Variants in LNX1 observed in about 807,000 individuals in gnomAD.
The protein encoded by LNX1 is ligand of numb-protein X 1, also known as E3 ubiquitin-protein ligase LNX.
A neutral mutation model predicts 68.4 loss-of-function variants in LNX1; 54 were observed. That is an observed-to-expected ratio of 0.79 (90% CI 0.63 to 0.99). The LOEUF is 0.99. LNX1 is among the 50% of genes least tolerant of loss of function. LNX1 has a pLI of 0.00. For synonymous variants in LNX1, 336 were observed against 350.0 expected, an observed-to-expected ratio of 0.96 and a Z score of 0.45; for missense variants, 906 against 926.4, an observed-to-expected ratio of 0.98 and a Z score of 0.29.
chr4:53,588,369 A>C (rs979226457), intron 1 of LNX1, among the ~76,000 whole-genome samples: 20 of 152,240 alleles, frequency 1.3e-4, no homozygotes, highest in African/African-American at 4.8e-4. Flanking sequence ...ATTTCAACCC[A>C]TTTCATCTTC....
chr4:53,637,789 G>A (rs1284540241), intron 1 of LNX1, among the ~76,000 whole-genome samples: 1 of 152,104 alleles, frequency 6.6e-6, no homozygotes, highest in African/African-American at 2.4e-5. Flanking sequence ...ATGAAATATG[G>A]ACTTTCCCTT....
chr4:53,623,949 A>T (rs2572297), intron 1 of LNX1, among the ~76,000 whole-genome samples: 2 of 152,004 alleles, frequency 1.3e-5, no homozygotes, highest in African/African-American at 4.8e-5. Context: ...AACTTGCATC[A>T]AAAGATCTGT....
intron 6 of LNX1, among the ~76,000 whole-genome samples, chr4:53,487,328 T>G (rs937847214): frequency 2.6e-5 from 4 of 152,224 alleles, no homozygotes; most frequent in African/African-American, 7.2e-5. Context: ...AGGCTTCACC[T>G]GCTCATTGGC....
chr4:53,470,435 A>G (rs1015035364), intron 9 of LNX1, among the ~76,000 whole-genome samples: 54 of 152,188 alleles, frequency 3.5e-4, no homozygotes, highest in African/African-American at 1.3e-3. Context: ...GGCACAAGAC[A>G]GGGATGCCCT....
intron 1 of LNX1, among the ~76,000 whole-genome samples, chr4:53,587,204 A>G (rs1030901436): frequency 6.6e-6 from 1 of 152,224 alleles, no homozygotes; most frequent in East Asian, 1.9e-4. Flanking sequence ...TGGTGTCCTC[A>G]TGTCACACAG....
chr4:53,564,768 C>T (rs1368487410), intron 2 of LNX1, among the ~76,000 whole-genome samples: 4 of 152,050 alleles, frequency 2.6e-5, no homozygotes, highest in East Asian at 1.9e-4. Context: ...AGACAGTGGG[C>T]GCAGGTCAGT....
chr4:53,506,798 G>A lies in LNX1; in HGVS notation c.775+519C>T, dbSNP rs145095316. Among the ~76,000 whole-genome samples, 1,393 of 144,888 alleles carry A rather than the reference G, an allele frequency of 9.6e-3. 22 individuals are homozygous for A. Among genetic ancestry groups the A allele is most frequent in the African/African-American group, 0.034 (1,331 of 39,426 alleles). On this transcript the variant is annotated intron_variant, in intron 4 of 10. Transcript: ENST00000263925. ...TTGAACCCAGGAGGCAGAGGTTGCA[G>A]TGAGCCGAGATCATGCCGCCGTTGC...
intron 2 of LNX1, among the ~76,000 whole-genome samples, chr4:53,514,929 TA>T (rs1280758339): frequency 6.6e-6 from 1 of 152,216 alleles, no homozygotes; most frequent in Non-Finnish European, 1.5e-5. Context: ...ATTTTAATTT[TA>T]AAAAATATTT....
intron 2 of LNX1, among the ~76,000 whole-genome samples, chr4:53,562,271 A>C (rs1400127078): frequency 6.6e-6 from 1 of 152,192 alleles, no homozygotes; most frequent in Non-Finnish European, 1.5e-5. Flanking sequence ...CCCACTACAC[A>C]CTGGTAATGG....
At chr4:53,579,106 C>G (rs2109792907) in intron 1 of LNX1, 1 of 201,500 alleles carries the variant, frequency 5.0e-6, no homozygotes, top group East Asian at 1.9e-4. Context: ...GAGGGCCTGT[C>G]AGCTTTGTGT....
chr4:53,520,953 T>C (rs7664897), intron 2 of LNX1, among the ~76,000 whole-genome samples: 146,840 of 152,274 alleles, frequency 0.96, 71,034 homozygotes, highest in Middle Eastern at 1. Flanking sequence ...TGGTTCGAGA[T>C]TGTCTCAAAA....
rs375438710 is a variant in LNX1 at position 53,574,111 on chromosome 4, A to C, written c.-86-23T>G. ...CACCTAAAAAAGAACAAGAAGGCTC[A>C]CCTTTGCTTCCCAGCACATGAAAGG... On this transcript the variant is annotated intron_variant, in intron 1 of 10. Coordinates refer to ENST00000263925, the MANE Select transcript of LNX1 (RefSeq NM_001126328.3). The C allele has an allele frequency of 2.7e-4, 397 of 1,445,606 alleles. 1 individual carries two copies. In the South Asian group the frequency reaches 5.5e-3, roughly 20 times the overall value. The allele number at this position is 1,445,606 out of a possible 1,614,324, so 89.5% of individuals were successfully genotyped here.
At chr4:53,543,891 T>G (rs1054185138) in intron 2 of LNX1, among the ~76,000 whole-genome samples, 5 of 149,548 alleles carry the variant, frequency 3.3e-5, no homozygotes, top group Non-Finnish European at 7.4e-5. Context: ...AATGGGGGAT[T>G]AAAAAACAAA....
chr4:53,568,075 G>A lies in LNX1; in HGVS notation c.380+5548C>T, dbSNP rs557183244. ...CGAATTCTACCAGAGGTACAAGGAG[G>A]AACTGGTACCATTCCTTCTGAAACT... On this transcript the variant is annotated intron_variant, in intron 2 of 10. Transcript: ENST00000263925. Among the ~76,000 whole-genome samples, 1,225 of 152,182 alleles carry A rather than the reference G, an allele frequency of 8.0e-3. 6 individuals are homozygous for A. The highest frequency in any genetic ancestry group is 0.011 in the Non-Finnish European group (746 of 68,020).
chr4:53,553,382 T>A (rs1414849856), intron 2 of LNX1, among the ~76,000 whole-genome samples: 1 of 152,138 alleles, frequency 6.6e-6, no homozygotes, highest in Admixed American at 6.6e-5. Flanking sequence ...GGGCCCCCTC[T>A]CCCAAAGATT....
chr4:53,477,696 A>AT (rs765777821), intron 8 of LNX1, among the ~76,000 whole-genome samples: 4 of 152,106 alleles, frequency 2.6e-5, no homozygotes, highest in Admixed American at 6.5e-5. Context: ...TCCATTTTCT[A>AT]TTTTTTTATC....
At chr4:53,568,365 C>A (rs907097650) in intron 2 of LNX1, among the ~76,000 whole-genome samples, 1 of 151,674 alleles carries the variant, frequency 6.6e-6, no homozygotes, top group African/African-American at 2.4e-5. Context: ...TAAATGTAAT[C>A]CAGCATATAA....
At chr4:53,579,820 C>T (rs1560678672) in intron 1 of LNX1, among the ~76,000 whole-genome samples, 1 of 152,170 alleles carries the variant, frequency 6.6e-6, no homozygotes, top group Admixed American at 6.5e-5. Context: ...AAACCACATA[C>T]TCCACTAGAA....
chr4:53,573,144 G>T (rs940039605), intron 2 of LNX1, among the ~76,000 whole-genome samples: 1 of 152,154 alleles, frequency 6.6e-6, no homozygotes, highest in Non-Finnish European at 1.5e-5. Flanking sequence ...GTCGCAAAAG[G>T]ACAAATACTG....
Sources: gnomAD v4.1 joint callset for allele counts (sites outside exome capture counted in the v4.1 genomes callset) on GRCh38, gnomAD v4.1.1 for gene constraint, MANE v1.5 for transcripts, NCBI Gene and HGNC (gene_info 2026-07-23, HGNC 2026-07-21) for gene names.